ABL1: variants seen among roughly 807,000 people sequenced by gnomAD.
The protein encoded by ABL1 is tyrosine-protein kinase ABL1.
In ABL1, 11 loss-of-function variants were observed where a neutral mutation model predicts 94.7. The observed-to-expected ratio is 0.12, with a 90% confidence interval of 0.07 to 0.19. ABL1 has a LOEUF of 0.19. ABL1 is among the 10% of genes least tolerant of loss of function. ABL1 has a pLI of 1.00. For synonymous variants in ABL1, 656 were observed against 622.4 expected (o/e 1.05, Z -0.80); for missense variants, 1,082 against 1,489.4 (o/e 0.73, Z 4.50).
intron 1 of ABL1, among the ~76,000 whole-genome samples, chr9:130,775,568 C>T (rs1564286910): frequency 6.6e-6 from 1 of 151,890 alleles, no homozygotes; most frequent in African/African-American, 2.4e-5. Context: ...AGAAATTATA[C>T]AAAACGCAGC....
intron 1 of ABL1, among the ~76,000 whole-genome samples, chr9:130,774,763 T>C (rs1457427251): frequency 6.6e-6 from 1 of 152,110 alleles, no homozygotes; most frequent in Non-Finnish European, 1.5e-5. Flanking sequence ...GAAGTATCTC[T>C]TGAACCCAGG....
intron 1 of ABL1, among the ~76,000 whole-genome samples, chr9:130,798,571 GAA>G (rs2132824249): frequency 6.6e-6 from 1 of 152,252 alleles, no homozygotes; most frequent in South Asian, 2.1e-4. Context: ...TCATCTGGAT[GAA>G]ATAAAGCACC....
intron 4 of ABL1, among the ~76,000 whole-genome samples, chr9:130,866,946 G>T (rs1358730155): frequency 6.6e-6 from 1 of 152,204 alleles, no homozygotes; most frequent in Non-Finnish European, 1.5e-5. Flanking sequence ...GAGTAGCAGG[G>T]ATCACAGGCT....
chr9:130,809,283 G>A lies in ABL1; in HGVS notation c.137-44781G>A, dbSNP rs144318533. On this transcript the variant is annotated intron_variant, in intron 1 of 10. Coordinates refer to the ABL1 transcript ENST00000372348. ...GAACCATTTACGGAGTTCACACAGG[G>A]CCAGAAATAGTTCCTGTTCCCAGTA... Among the ~76,000 whole-genome samples, 12 of 152,174 alleles carry A rather than the reference G, an allele frequency of 7.9e-5. No individual in the cohort carries two copies. The East Asian group carries it at 1.9e-3, about 24-fold the overall frequency.
intron 3 of ABL1, among the ~76,000 whole-genome samples, chr9:130,856,604 GTCTCCTAA>G (rs1343220967): frequency 6.6e-6 from 1 of 152,144 alleles, no homozygotes; most frequent in Non-Finnish European, 1.5e-5. Context: ...AAAAGTAATC[GTCTCCTAA>G]TTCACTTTTC....
intron 1 of ABL1, among the ~76,000 whole-genome samples, chr9:130,759,012 C>G (rs944730338): frequency 6.6e-6 from 1 of 152,112 alleles, no homozygotes; most frequent in Non-Finnish European, 1.5e-5. Context: ...TCTTTCGGTC[C>G]GAACACTGAG....
rs775435018 is a variant in ABL1, at chr9:130,872,844, G to T, written c.908-16G>T. The T allele has an allele frequency of 2.4e-5, 38 of 1,601,090 alleles. No individual in the cohort carries two copies. The highest frequency in any genetic ancestry group is 3.4e-5 in the Admixed American group (2 of 58,838). On this transcript the variant is annotated splice_polypyrimidine_tract_variant and intron_variant, in intron 5 of 10. Transcript: ENST00000318560. This position sits in a 1 kb window ranked among gnomAD's most constrained non-coding sequence, Gnocchi z 5.0. ...AGCGGAGCCACGTGTTGAAGTCCTCGTTGTCTTGTTGGCAGGGGTCTGCAC... is the reference window on the plus strand; with the variant it reads ...AGCGGAGCCACGTGTTGAAGTCCTCTTTGTCTTGTTGGCAGGGGTCTGCAC...
intron 1 of ABL1, among the ~76,000 whole-genome samples, chr9:130,745,886 A>G (rs1831881894): frequency 6.6e-6 from 1 of 151,960 alleles, no homozygotes; most frequent in East Asian, 1.9e-4. Flanking sequence ...AAGGCTTGCC[A>G]TTGTGTGTCA....
intron 4 of ABL1, among the ~76,000 whole-genome samples, chr9:130,871,174 GCAAA>G (rs1831245261): frequency 6.6e-6 from 1 of 152,196 alleles, no homozygotes. Flanking sequence ...GGTTTTCGCA[GCAAA>G]CAGACCATAT....
At chr9:130,851,353 C>T (rs965088349) in intron 1 of ABL1, among the ~76,000 whole-genome samples, 6 of 152,056 alleles carry the variant, frequency 3.9e-5, no homozygotes, top group Non-Finnish European at 5.9e-5. Flanking sequence ...AGAAAAATTA[C>T]CAAATATTGT....
At chr9:130,822,652 G>A (rs1830376948) in intron 1 of ABL1, among the ~76,000 whole-genome samples, 1 of 151,932 alleles carries the variant, frequency 6.6e-6, no homozygotes, top group Non-Finnish European at 1.5e-5. Context: ...AATGACTAAT[G>A]ATACTGAACA....
At chr9:130,797,918 G>T (rs943544796) in intron 1 of ABL1, among the ~76,000 whole-genome samples, 5 of 152,146 alleles carry the variant, frequency 3.3e-5, no homozygotes, top group Non-Finnish European at 7.3e-5. Flanking sequence ...ACTGCATCAA[G>T]AGACTGTGCC....
intron 1 of ABL1, among the ~76,000 whole-genome samples, chr9:130,757,953 A>G (rs1164555636): frequency 1.3e-5 from 2 of 152,186 alleles, no homozygotes; most frequent in Non-Finnish European, 1.5e-5. Flanking sequence ...TGGCCCCTCC[A>G]GGGCACACCC....
chr9:130,780,952 G>A (rs546852447), intron 1 of ABL1, among the ~76,000 whole-genome samples: 45 of 152,220 alleles, frequency 3.0e-4, no homozygotes, highest in Non-Finnish European at 4.8e-4. Context: ...CCTGGTTCTA[G>A]CGACTCTGCA....
At chr9:130,868,732 C>T (rs1052881546) in intron 4 of ABL1, among the ~76,000 whole-genome samples, 10 of 151,884 alleles carry the variant, frequency 6.6e-5, no homozygotes, top group African/African-American at 2.4e-4. Flanking sequence ...TGTGGCCAGG[C>T]TGGTCTCGAA....
chr9:130,821,305 C>T (rs1830359782), intron 1 of ABL1, among the ~76,000 whole-genome samples: 1 of 152,170 alleles, frequency 6.6e-6, no homozygotes, highest in East Asian at 1.9e-4. Context: ...CCTACCCCCA[C>T]TTCCAGCCCC....
chr9:130,798,388 T>C (rs1375541744), intron 1 of ABL1, among the ~76,000 whole-genome samples: 1 of 152,168 alleles, frequency 6.6e-6, no homozygotes, highest in Non-Finnish European at 1.5e-5. Context: ...AAAGCTATAT[T>C]AGTGATGGTT....
chr9:130,734,471 TC>T (rs1431102293), intron 1 of ABL1, among the ~76,000 whole-genome samples: 1 of 151,706 alleles, frequency 6.6e-6, no homozygotes, highest in African/African-American at 2.4e-5. Context: ...CGCCTTGGCT[TC>T]CCAAAGTGCT....
chr9:130,816,813 C>G (rs1306433728), intron 1 of ABL1, among the ~76,000 whole-genome samples: 1 of 152,222 alleles, frequency 6.6e-6, no homozygotes, highest in Non-Finnish European at 1.5e-5. Flanking sequence ...AAGCGATTCT[C>G]CTGCCTCAGC....
Sources: gnomAD v4.1 joint callset for allele counts (sites outside exome capture counted in the v4.1 genomes callset) on GRCh38, gnomAD v4.1.1 for gene constraint, Gnocchi (gnomAD v3.1) non-coding constraint, MANE v1.5 for transcripts, NCBI Gene and HGNC (gene_info 2026-07-23, HGNC 2026-07-21) for gene names.